Variants in UQCC4 observed in about 807,000 individuals in gnomAD.
UQCC4 encodes cattle cerebrum and skeletal muscle-specific protein 1 family member.
At chr16:1,420,539 C>T in the UQCC4 span, 1 of 1,613,850 alleles carries the variant, frequency 6.2e-7, no homozygotes, top group South Asian at 1.1e-5. Context: ...GCAGGGTGGG[C>T]CCGATCCCGG....
At chr16:1,420,641 G>A in the UQCC4 span, 5 of 1,547,254 alleles carry the variant, frequency 3.2e-6, no homozygotes, top group African/African-American at 5.5e-5. Context: ...TAAGCGCTCC[G>A]CCCGCCCGCC....
the UQCC4 span, chr16:1,420,541 C>A: frequency 1.7e-5 from 28 of 1,613,634 alleles, no homozygotes; most frequent in Non-Finnish European, 2.3e-5. Context: ...AGGGTGGGCC[C>A]GATCCCGGGA....
At chr16:1,420,479 T>G in the UQCC4 span, 1 of 1,614,244 alleles carries the variant, frequency 6.2e-7, no homozygotes, top group Admixed American at 1.7e-5. Context: ...GGGTTGGCTT[T>G]GCTGGAGGAA....
At chr16:1,419,816 T>C in the UQCC4 span, 1 of 1,039,088 alleles carries the variant, frequency 9.6e-7, no homozygotes, top group Non-Finnish European at 1.3e-6. Context: ...TGTGGAAGTG[T>C]TCCTTGCACA....
At chr16:1,420,358 C>T in the UQCC4 span, 3 of 1,614,130 alleles carry the variant, frequency 1.9e-6, no homozygotes, top group East Asian at 4.5e-5. Flanking sequence ...GCTCTCCTCC[C>T]TCAGGTAGCA....
At chr16:1,419,921 C>G in the UQCC4 span, 1 of 1,464,642 alleles carries the variant, frequency 6.8e-7, no homozygotes, top group African/African-American at 1.4e-5. Context: ...CAAGTGTCAC[C>G]AGAAGTGCTT....
the UQCC4 span, chr16:1,419,912 A>G: frequency 6.9e-7 from 1 of 1,446,256 alleles, no homozygotes; most frequent in South Asian, 1.1e-5. Context: ...ACTGGATGAC[A>G]AGTGTCACCA....
the UQCC4 span, chr16:1,420,171 G>A: frequency 2.5e-6 from 4 of 1,614,134 alleles, no homozygotes; most frequent in Non-Finnish European, 2.5e-6. Flanking sequence ...AGCCAGGACA[G>A]TCACGGGCAA....
chr16:1,420,239 C>A, the UQCC4 span: 1 of 1,613,402 alleles, frequency 6.2e-7, no homozygotes, highest in Non-Finnish European at 8.5e-7. Flanking sequence ...CCCCAGCGGG[C>A]ACCCCGTCAA....
the UQCC4 span, chr16:1,420,097 C>T: frequency 6.2e-7 from 1 of 1,613,256 alleles, no homozygotes; most frequent in South Asian, 1.1e-5. Flanking sequence ...CGCCTTCACG[C>T]GAATCAGCAT....
At chr16:1,420,546 C>G in the UQCC4 span, 1 of 1,613,332 alleles carries the variant, frequency 6.2e-7, no homozygotes, top group African/African-American at 1.3e-5. Context: ...GGGCCCGATC[C>G]CGGGAACCGG....
the UQCC4 span, chr16:1,420,722 A>C: frequency 8.4e-6 from 13 of 1,539,564 alleles, no homozygotes; most frequent in Non-Finnish European, 1.1e-5. Flanking sequence ...GACACGATTC[A>C]TTGCTGCCTT....
the UQCC4 span, chr16:1,419,989 T>A: frequency 1.3e-6 from 2 of 1,593,830 alleles, no homozygotes; most frequent in Admixed American, 1.7e-5. Context: ...ACAGTGCAAC[T>A]GAAACCTTCC....
At chr16:1,420,724 T>C in the UQCC4 span, 2 of 1,539,296 alleles carry the variant, frequency 1.3e-6, no homozygotes, top group Non-Finnish European at 1.7e-6. Flanking sequence ...CACGATTCAT[T>C]GCTGCCTTGA....
the UQCC4 span, chr16:1,420,225 C>G: frequency 6.2e-7 from 1 of 1,613,484 alleles, no homozygotes. Context: ...TCCCTTCCTG[C>G]CAGCCCCAGC....
the UQCC4 span, chr16:1,420,244 C>G: frequency 6.2e-7 from 1 of 1,613,368 alleles, no homozygotes; most frequent in African/African-American, 1.3e-5. Flanking sequence ...GCGGGCACCC[C>G]GTCAAGTTCT....
the UQCC4 span, chr16:1,419,982 G>A: frequency 6.3e-7 from 1 of 1,588,444 alleles, no homozygotes; most frequent in Non-Finnish European, 8.6e-7. Flanking sequence ...ACAGCATACA[G>A]TGCAACTGAA....
the UQCC4 span, chr16:1,420,052 C>A: frequency 1.9e-6 from 3 of 1,611,998 alleles, no homozygotes; most frequent in Non-Finnish European, 2.5e-6. Context: ...AAGAGCCAGG[C>A]GAGGAGCAGT....
the UQCC4 span, chr16:1,420,652 G>A: frequency 1.9e-6 from 3 of 1,551,036 alleles, no homozygotes; most frequent in African/African-American, 1.4e-5. Flanking sequence ...CCCGCCCGCC[G>A]GTGTCTGCCC....
Sources: gnomAD v4.1 joint callset for allele counts on GRCh38, gnomAD v4.1.1 for gene constraint, MANE v1.5 for transcripts, NCBI Gene and HGNC (gene_info 2026-07-23, HGNC 2026-07-21) for gene names.